GAS7: variants seen among roughly 807,000 people sequenced by gnomAD.
The protein encoded by GAS7 is growth arrest-specific protein 7.
In GAS7, 28 loss-of-function variants were observed where a neutral mutation model predicts 71.1. The ratio of observed to expected loss-of-function variants is 0.39; its 90% CI spans 0.29 to 0.54. The LOEUF (loss-of-function observed/expected upper bound fraction) is 0.54. Ranked by LOEUF, GAS7 falls within the 20% of genes least tolerant of loss-of-function variation. The pLI is 0.62. For missense variants in GAS7, 436 were observed against 627.8 expected (o/e 0.69, Z 3.27); for synonymous variants, 258 against 245.8 (o/e 1.05, Z -0.46).
At chr17:10,190,759 G>A (rs1354475257) in intron 1 of GAS7, among the ~76,000 whole-genome samples, 1 of 151,436 alleles carries the variant, frequency 6.6e-6, no homozygotes, top group African/African-American at 2.4e-5. Context: ...GGCTTCCCTG[G>A]GCCACACTGA....
intron 1 of GAS7, among the ~76,000 whole-genome samples, chr17:10,102,282 G>C (rs1360614310): frequency 8.0e-5 from 12 of 150,592 alleles, no homozygotes; most frequent in Admixed American, 7.9e-4. Context: ...ATTCAGAGGG[G>C]AGCACAAGGT....
At chr17:10,031,289 G>A (rs1055259689) in intron 1 of GAS7, among the ~76,000 whole-genome samples, 2 of 152,202 alleles carry the variant, frequency 1.3e-5, no homozygotes, top group African/African-American at 4.8e-5. Flanking sequence ...TTCTGACCCT[G>A]TAAAGAAATG....
At chr17:9,948,945 A>G (rs1254564712) in intron 5 of GAS7, among the ~76,000 whole-genome samples, 1 of 152,208 alleles carries the variant, frequency 6.6e-6, no homozygotes, top group Non-Finnish European at 1.5e-5. Context: ...CACCTGCTGA[A>G]GTGGAAAATG....
chr17:9,937,203 T>G (rs895548699), intron 8 of GAS7, among the ~76,000 whole-genome samples: 6 of 152,164 alleles, frequency 3.9e-5, no homozygotes, highest in Non-Finnish European at 8.8e-5. Context: ...CCCTGATGCA[T>G]GTATGTGAGC....
Position 9,981,019 on chromosome 17 carries a change from C to T in GAS7, c.385+785G>A, listed in dbSNP as rs1210507630. 6.6e-6 allele frequency among the ~76,000 whole-genome samples: 1 copy of T among 152,166 alleles called. No homozygotes were observed. Among genetic ancestry groups the T allele is most frequent in the African/African-American group, 2.4e-5 (1 of 41,430 alleles). ...TAGGAATGTCCATTTCAGCCAGGCG[C>T]GGTGGCTCACACCTTTAATCCCAGC... On this transcript the variant is annotated intron_variant, in intron 3 of 13. Coordinates refer to ENST00000432992, the MANE Select transcript of GAS7 (RefSeq NM_201433.2). This position sits in a 1 kb window ranked among gnomAD's most constrained non-coding sequence, Gnocchi z 4.4.
intron 1 of GAS7, among the ~76,000 whole-genome samples, chr17:10,023,695 T>C (rs2072357024): frequency 6.6e-6 from 1 of 152,124 alleles, no homozygotes; most frequent in Admixed American, 6.5e-5. Context: ...GAGGGGAGAA[T>C]GGGTACACGT....
chr17:10,128,338 G>A (rs1240441267), intron 1 of GAS7, among the ~76,000 whole-genome samples: 2 of 152,216 alleles, frequency 1.3e-5, no homozygotes, highest in African/African-American at 4.8e-5. Context: ...GGTTGTCCCT[G>A]TGCTGACCTC....
chr17:9,959,163 C>T lies in GAS7; in HGVS notation c.525+39G>A, dbSNP rs2069373153. ...AACAGCCCAGCCAAATGCCCCAGCT[C>T]GCAGCCCACCCTGAGGGCGCCCCTC... On this transcript the variant is annotated intron_variant, in intron 5 of 13. Coordinates refer to ENST00000432992, the MANE Select transcript of GAS7 (RefSeq NM_201433.2). The surrounding 1 kb of genome is among the most constrained non-coding windows in gnomAD (Gnocchi z 5.0). The T allele has an allele frequency of 1.9e-6, 3 of 1,605,838 alleles. No homozygotes were observed. Among genetic ancestry groups the T allele is most frequent in the East Asian group, 2.2e-5 (1 of 44,736 alleles).
intron 2 of GAS7, among the ~76,000 whole-genome samples, chr17:10,013,827 T>C: frequency 6.6e-6 from 1 of 152,198 alleles, no homozygotes; most frequent in East Asian, 1.9e-4. Context: ...ATTCCTTGTA[T>C]CTCTGACAAT....
intron 1 of GAS7, among the ~76,000 whole-genome samples, chr17:10,095,526 G>GT (rs1174579073): frequency 6.6e-6 from 1 of 152,116 alleles, no homozygotes; most frequent in African/African-American, 2.4e-5. Flanking sequence ...TGACAAATGT[G>GT]TAAGTTTCTC....
intron 1 of GAS7, among the ~76,000 whole-genome samples, chr17:10,125,974 C>G (rs1027539213): frequency 3.3e-5 from 5 of 152,202 alleles, no homozygotes; most frequent in Non-Finnish European, 7.3e-5. Flanking sequence ...CATGTGCGTT[C>G]TGACCACCAC....
In GAS7 at chr17:9,917,175, TG is replaced by T; in HGVS notation, c.*52del. The T allele has an allele frequency of 9.2e-7, 1 of 1,091,712 alleles. No individual in the cohort carries two copies. The highest frequency in any genetic ancestry group is 1.4e-6 in the Non-Finnish European group (1 of 703,488). The allele number at this position is 1,091,712 out of a possible 1,614,324, so 67.6% of individuals were successfully genotyped here. Reference sequence around the variant, plus strand: ...CATCCACTCGGCATGGGCCCCATGGTGGGAGCCCAGCCCCCCTCCCCAGCAG... The same window carrying T: ...CATCCACTCGGCATGGGCCCCATGGTGGAGCCCAGCCCCCCTCCCCAGCAG... On this transcript the variant is annotated 3_prime_UTR_variant, in exon 14 of 14. Coordinates refer to ENST00000432992, the MANE Select transcript of GAS7 (RefSeq NM_201433.2).
At chr17:9,960,614 C>T (rs185542547) in intron 4 of GAS7, among the ~76,000 whole-genome samples, 137 of 152,328 alleles carry the variant, frequency 9.0e-4, no homozygotes, top group Non-Finnish European at 1.4e-3. Flanking sequence ...GCACCCCGCC[C>T]CTCAGGCCAG....
chr17:9,979,353 A>G (rs1597599927), intron 3 of GAS7, among the ~76,000 whole-genome samples: 1 of 152,234 alleles, frequency 6.6e-6, no homozygotes, highest in East Asian at 1.9e-4. Flanking sequence ...CCATGCGGGC[A>G]ATTCTCATCT....
intron 1 of GAS7, among the ~76,000 whole-genome samples, chr17:10,102,226 A>G (rs1007821512): frequency 6.6e-6 from 1 of 150,806 alleles, no homozygotes; most frequent in Non-Finnish European, 1.5e-5. Context: ...AAAAAAAAAA[A>G]AAAAAGAATC....
At chr17:10,047,187 G>A (rs1188062498) in intron 1 of GAS7, among the ~76,000 whole-genome samples, 3 of 152,272 alleles carry the variant, frequency 2.0e-5, no homozygotes, top group South Asian at 2.1e-4. Flanking sequence ...CTCACTGTTC[G>A]GAAAGGTACA....
rs2067726473 is a variant in GAS7 at position 9,919,736 on chromosome 17, G to A, written c.1139-31C>T. The A allele has an allele frequency of 1.3e-6, 2 of 1,499,502 alleles. No individual in the cohort carries two copies. The highest frequency in any genetic ancestry group is 1.4e-5 in the African/African-American group (1 of 72,608). The allele number at this position is 1,499,502 out of a possible 1,614,324, so 92.9% of individuals were successfully genotyped here. On this transcript the variant is annotated intron_variant, in intron 11 of 13. Transcript: ENST00000432992. The surrounding 1 kb of genome is among the most constrained non-coding windows in gnomAD (Gnocchi z 5.0). The stretch of plus-strand genomic sequence containing the variant: ...AAAAGACCACAGTCACCATCATGAA[G>A]CATCCTATCCTCACCATGACTCTGT...
intron 4 of GAS7, among the ~76,000 whole-genome samples, chr17:9,962,017 C>T (rs2069515884): frequency 1.3e-5 from 2 of 152,190 alleles, no homozygotes; most frequent in South Asian, 4.1e-4. Flanking sequence ...GGTCGCACCT[C>T]CTCCTTATAA....
chr17:10,173,941 T>C (rs1597835177), intron 1 of GAS7, among the ~76,000 whole-genome samples: 1 of 152,278 alleles, frequency 6.6e-6, no homozygotes, highest in African/African-American at 2.4e-5. Flanking sequence ...GGGATGAAGC[T>C]GACATCTTCA....
Sources: allele counts gnomAD v4.1 joint callset (sites outside exome capture counted in the v4.1 genomes callset), GRCh38; gene constraint gnomAD v4.1.1; non-coding constraint Gnocchi (gnomAD v3.1); transcripts MANE v1.5; gene names NCBI Gene and HGNC (gene_info 2026-07-23, HGNC 2026-07-21).